The following CDH3 variants were observed in gnomAD, a reference collection of about 807,000 sequenced individuals.
The protein encoded by CDH3 is cadherin-3.
CDH3 carries 54 observed loss-of-function variants against 82.0 expected under a neutral mutation model. The ratio of observed to expected loss-of-function variants is 0.66; its 90% CI spans 0.53 to 0.83. The LOEUF (loss-of-function observed/expected upper bound fraction) is 0.83, where lower values mean the gene tolerates loss of function less well. Among genes scored for constraint, CDH3 ranks in the 40% least tolerant of loss-of-function variants. CDH3 has a pLI of 0.00. For synonymous variants in CDH3, 446 were observed against 437.9 expected (o/e 1.02, Z -0.23); for missense variants, 1,054 against 1,084.6 (o/e 0.97, Z 0.40).
intron 1 of CDH3, among the ~76,000 whole-genome samples, chr16:68,718,737 C>T (rs1962123385): frequency 6.6e-6 from 1 of 152,074 alleles, no homozygotes; most frequent in African/African-American, 2.4e-5. Flanking sequence ...AAAGCATAAA[C>T]ATATGCTAAC....
intron 2 of CDH3, among the ~76,000 whole-genome samples, chr16:68,655,841 C>T (rs890329862): frequency 2.0e-5 from 3 of 151,954 alleles, no homozygotes; most frequent in Non-Finnish European, 2.9e-5. Context: ...CCAGCCTGGG[C>T]GACAGAGCGA....
intron 8 of CDH3, 61 bp downstream of exon 8, chr16:68,681,157 T>C (rs1254513205): frequency 1.3e-6 from 2 of 1,596,202 alleles, no homozygotes; most frequent in Non-Finnish European, 1.7e-6. Context: ...TTTGCCTTTC[T>C]CAGGAAACTG....
chr16:68,731,413 T>TAC (rs1555509194), downstream of CDH3, among the ~76,000 whole-genome samples: 6 of 42,510 alleles, frequency 1.4e-4, 2 homozygotes, highest in South Asian at 6.3e-4. Context: ...TATATATATA[T>TAC]ACATATACAC....
At chr16:68,711,032 A>AGGGG (rs1962023015) in intron 1 of CDH3, among the ~76,000 whole-genome samples, 1 of 107,710 alleles carries the variant, frequency 9.3e-6, no homozygotes, top group Non-Finnish European at 2.0e-5. Context: ...GGGAGGAGAG[A>AGGGG]AGGCGAGGTG....
At chr16:68,675,430 G>A (rs889893997) in intron 2 of CDH3, among the ~76,000 whole-genome samples, 2 of 152,196 alleles carry the variant, frequency 1.3e-5, no homozygotes, top group African/African-American at 4.8e-5. Flanking sequence ...AGGTAACAAC[G>A]TTGGTTGTGA....
intron 2 of CDH3, chr16:68,651,018 C>T: frequency 2.7e-6 from 1 of 374,698 alleles, no homozygotes; most frequent in South Asian, 3.9e-5. Context: ...AGAGAGCGTG[C>T]TGGGAGCCTT....
rs772735028 is a variant in CDH3, at chr16:68,682,305, G to A, written c.1000G>A (p.Glu334Lys). 68 of 1,613,478 alleles carry A rather than the reference G, an allele frequency of 4.2e-5. No individual in the cohort carries two copies. Among genetic ancestry groups the A allele is most frequent in the Non-Finnish European group, 5.2e-5 (61 of 1,179,900 alleles). Residue 334 changes from glutamate to lysine, a missense_variant, in exon 9 of 16, where the codon GAG (glutamate) becomes AAG (lysine). Glu to Lys is a moderately conservative substitution (Grantham distance 56). Transcript: ENST00000264012. ...GCTGTGCTTCTCACACTGACAGTAC[G>A]AGGCCCATGTGCCTGAGAATGCAGT... ...NAPMFDPQKY[E>K]AHVPENAVGH...
At chr16:68,732,106 C>T (rs1179251990), downstream of CDH3, among the ~76,000 whole-genome samples, 1 of 147,392 alleles carries the variant, frequency 6.8e-6, no homozygotes, top group South Asian at 2.1e-4. Context: ...AGCACCGTTT[C>T]AACTGGAGGC....
At position 68,698,317 on chromosome 16, in the gene CDH3, G is replaced by A. The variant is rs766608935; in HGVS notation, c.2407G>A (p.Asp803Asn). 9 of 1,614,218 alleles carry A rather than the reference G, an allele frequency of 5.6e-6. No homozygotes were observed. Among genetic ancestry groups the A allele is most frequent in the Non-Finnish European group, 7.6e-6 (9 of 1,180,022 alleles). The change falls in exon 16 of 16, where the codon GAC becomes AAC. Residue 803 changes from aspartate (D) to asparagine (N), a missense_variant. Asp to Asn is a conservative substitution (Grantham distance 23). Coordinates refer to ENST00000264012, the MANE Select transcript of CDH3 (RefSeq NM_001793.6). ...SSLTSSASDQ[D>N]QDYDYLNEWG... Reference sequence around the variant, plus strand: ...CCTCACCTCCTCCGCCTCCGACCAAGACCAAGATTACGATTATCTGAACGA... The same window carrying A: ...CCTCACCTCCTCCGCCTCCGACCAAAACCAAGATTACGATTATCTGAACGA...
chr16:68,661,032 C>T (rs1006586963), intron 2 of CDH3, among the ~76,000 whole-genome samples: 2 of 151,710 alleles, frequency 1.3e-5, no homozygotes, highest in African/African-American at 4.8e-5. Context: ...GACTTATATT[C>T]TCATATGAAT....
At chr16:68,682,156 A>G in intron 8 of CDH3, 146 bp from the exon 9 acceptor site, 1 of 811,644 alleles carries the variant, frequency 1.2e-6, no homozygotes, top group East Asian at 2.7e-5. Flanking sequence ...GCCGCTGTGT[A>G]TACCCTGAAA....
At chr16:68,724,444 A>C (rs1191686148) in intron 2 of CDH3, among the ~76,000 whole-genome samples, 7 of 151,910 alleles carry the variant, frequency 4.6e-5, no homozygotes, top group Admixed American at 6.6e-5. Context: ...CATAGTGAGC[A>C]CCTGACTGTA....
intron 13 of CDH3, among the ~76,000 whole-genome samples, chr16:68,693,619 C>T (rs945853847): frequency 6.6e-6 from 1 of 152,138 alleles, no homozygotes; most frequent in East Asian, 1.9e-4. Context: ...TGGCGTCTTG[C>T]CTTCCCCCAG....
At chr16:68,721,879 C>A (rs1962168476) in intron 1 of CDH3, among the ~76,000 whole-genome samples, 1 of 152,094 alleles carries the variant, frequency 6.6e-6, no homozygotes, top group African/African-American at 2.4e-5. Flanking sequence ...CACTTGACGT[C>A]AGGAGTTCGA....
intron 2 of CDH3, among the ~76,000 whole-genome samples, chr16:68,674,062 C>A (rs1055612672): frequency 1.3e-5 from 2 of 152,174 alleles, no homozygotes; most frequent in African/African-American, 4.8e-5. Flanking sequence ...CATTGAATTG[C>A]TAGGTCATGT....
At position 68,684,637 on chromosome 16, in the gene CDH3, G is replaced by A. The variant is rs369109043; in HGVS notation, c.1237G>A (p.Glu413Lys). ...CACCCTGTACGTTGAAGTGACCAAC[G>A]AGGCCCCTTTTGTGCTGAAGCTCCC... The part of the protein sequence containing the change: ...QHTLYVEVTN[E>K]APFVLKLPTS... The change falls in exon 10 of 16, where the codon GAG becomes AAG. Residue 413 changes from glutamate (E) to lysine (K), a missense_variant. Transcript: ENST00000264012. The A allele has an allele frequency of 6.9e-5, 112 of 1,614,046 alleles. No individual in the cohort carries two copies. The highest frequency in any genetic ancestry group is 9.3e-5 in the African/African-American group (7 of 74,918).
At chr16:68,652,666 C>T (rs754735720) in intron 2 of CDH3, among the ~76,000 whole-genome samples, 101 of 152,278 alleles carry the variant, frequency 6.6e-4, no homozygotes, top group Non-Finnish European at 1.2e-3. Context: ...GTGTTTCTGG[C>T]GCACAGATCA....
rs1961704695 is a variant in CDH3 at position 68,695,832 on chromosome 16, T to C, written c.2189T>C (p.Leu730Pro). ...CTGGAGGCCAGGCCGGAGGTGGTTCTCCGCAATGACGTGGCACCAACCATC... is the reference window on the plus strand; with the variant it reads ...CTGGAGGCCAGGCCGGAGGTGGTTCCCCGCAATGACGTGGCACCAACCATC... ...RGLEARPEVV[L>P]RNDVAPTIIP... The change falls in exon 15 of 16, where the codon CTC becomes CCC. Residue 730 changes from leucine to proline, a missense_variant. By Grantham distance (98) the Leu-to-Pro change is moderately conservative (BLOSUM62 -3). Coordinates refer to ENST00000264012, the MANE Select transcript of CDH3 (RefSeq NM_001793.6). 1.9e-6 allele frequency: 3 copies of C among 1,613,926 alleles called. No homozygotes were observed. In the Admixed American group the frequency reaches 5.0e-5, roughly 27 times the overall value.
chr16:68,672,382 A>G (rs1302075724), intron 2 of CDH3, among the ~76,000 whole-genome samples: 1 of 152,148 alleles, frequency 6.6e-6, no homozygotes, highest in Non-Finnish European at 1.5e-5. Flanking sequence ...GTTATATTGC[A>G]TAGCTGGATA....
Sources: gnomAD v4.1 joint callset for allele counts (sites outside exome capture counted in the v4.1 genomes callset) on GRCh38, gnomAD v4.1.1 for gene constraint, MANE v1.5 for transcripts, NCBI Gene and HGNC (gene_info 2026-07-23, HGNC 2026-07-21) for gene names.